Variants in TRAP1 observed in about 807,000 individuals in gnomAD.
TRAP1 encodes heat shock protein 75 kDa, mitochondrial.
Under a neutral mutation model 89.1 loss-of-function variants are expected in TRAP1, and 102 were observed. The observed-to-expected ratio is 1.15, with a 90% confidence interval of 0.98 to 1.35. The LOEUF (loss-of-function observed/expected upper bound fraction) is 1.35. Among genes scored for constraint, TRAP1 ranks in the 40% most tolerant of loss-of-function variants. The pLI, the probability that TRAP1 is intolerant of heterozygous loss-of-function variation, is 0.00. For missense variants in TRAP1, 1,256 were observed against 945.3 expected, an observed-to-expected ratio of 1.33 and a Z score of -4.31; for synonymous variants, 508 against 388.0, an observed-to-expected ratio of 1.31 and a Z score of -3.64.
rs1435691561 is a variant in TRAP1 at position 3,671,758 on chromosome 16, A to G, written c.1199T>C (p.Leu400Pro). 6.2e-6 allele frequency: 10 copies of G among 1,613,228 alleles called. No homozygotes were observed. The highest frequency in any genetic ancestry group is 8.5e-6 in the Non-Finnish European group (10 of 1,180,014). Reference sequence around the variant, plus strand: ...GCTCTCCTGCAGCAGCTCCCGGCTGAGGTTCAGGGGAATGTCCTCACTGTC... The same window carrying G: ...GCTCTCCTGCAGCAGCTCCCGGCTGGGGTTCAGGGGAATGTCCTCACTGTC... The part of the protein sequence containing the change: ...VVDSEDIPLN[L>P]SRELLQESAL... Residue 400 changes from leucine (L) to proline (P), a missense_variant, in exon 11 of 18, where the codon CTC becomes CCC. Coordinates refer to ENST00000246957, the MANE Select transcript of TRAP1 (RefSeq NM_016292.3).
intron 1 of TRAP1, among the ~76,000 whole-genome samples, chr16:3,694,148 G>C (rs572806248): frequency 1.3e-5 from 2 of 152,052 alleles, no homozygotes; most frequent in Non-Finnish European, 2.9e-5. Flanking sequence ...TCCAGGCTCT[G>C]TCTCTTGTCA....
chr16:3,660,964 G>A (rs1434005284), intron 16 of TRAP1: 1 of 151,270 alleles, frequency 6.6e-6, no homozygotes, highest in African/African-American at 2.4e-5. Context: ...TGGGGGGGGT[G>A]GTAAGTCTAT....
intron 1 of TRAP1, among the ~76,000 whole-genome samples, chr16:3,692,982 G>T (rs544837539): frequency 2.9e-4 from 43 of 148,264 alleles, no homozygotes; most frequent in African/African-American, 9.7e-4. Context: ...TTTTGAGATG[G>T]AGTCTCGCTC....
At chr16:3,697,059 G>GCCA (rs1448595200) in intron 1 of TRAP1, among the ~76,000 whole-genome samples, 1 of 152,096 alleles carries the variant, frequency 6.6e-6, no homozygotes, top group East Asian at 1.9e-4. Context: ...GGTAGATACT[G>GCCA]CCAAGTCACA....
chr16:3,689,161 C>T (rs2051178143), intron 2 of TRAP1, 24 bp from the exon 3 acceptor site: 4 of 1,597,720 alleles, frequency 2.5e-6, no homozygotes, highest in African/African-American at 1.3e-5. Flanking sequence ...ACAGACACAA[C>T]CAACAAAGTT....
intron 15 of TRAP1, 184 bp downstream of exon 15, chr16:3,662,698 C>G: frequency 1.4e-6 from 1 of 702,550 alleles, no homozygotes; most frequent in Non-Finnish European, 2.6e-6. Flanking sequence ...CACGGCCTTC[C>G]TGCCTCAGCG....
At chr16:3,704,068 G>A (rs1223162796) in intron 1 of TRAP1, among the ~76,000 whole-genome samples, 1 of 152,002 alleles carries the variant, frequency 6.6e-6, no homozygotes, top group Non-Finnish European at 1.5e-5. Flanking sequence ...TTACAGGCCA[G>A]GTGAGGTGCC....
intron 5 of TRAP1, among the ~76,000 whole-genome samples, chr16:3,679,232 G>A (rs972988210): frequency 6.6e-6 from 1 of 152,092 alleles, no homozygotes; most frequent in African/African-American, 2.4e-5. Flanking sequence ...AGAGGTTGCA[G>A]TGAGCCAATA....
rs748335480 is a variant in TRAP1, at chr16:3,692,122, C to T, written c.89-1137G>A. On this transcript the variant is annotated intron_variant, in intron 1 of 17. Transcript: ENST00000246957. ...AGGATATGTGGCCAGCCAGCCACGC[C>T]GTGTCAAAGTCTAAGCCTAAATGAA... 7.9e-5 allele frequency among the ~76,000 whole-genome samples: 12 copies of T among 152,166 alleles called. No homozygotes were observed. The South Asian group carries it at 1.2e-3, about 16-fold the overall frequency.
At chr16:3,701,307 C>T (rs916676606) in intron 1 of TRAP1, among the ~76,000 whole-genome samples, 2 of 152,002 alleles carry the variant, frequency 1.3e-5, no homozygotes, top group East Asian at 1.9e-4. Flanking sequence ...GAAGTTAAAA[C>T]GGAAAGAATT....
At chr16:3,714,814 G>A (rs1567250164) in intron 1 of TRAP1, among the ~76,000 whole-genome samples, 1 of 152,196 alleles carries the variant, frequency 6.6e-6, no homozygotes, top group Non-Finnish European at 1.5e-5. Flanking sequence ...ACGCACACCT[G>A]AAGCCAGGCA....
At chr16:3,694,336 G>A (rs1206877032) in intron 1 of TRAP1, among the ~76,000 whole-genome samples, 9 of 148,822 alleles carry the variant, frequency 6.0e-5, no homozygotes, top group Non-Finnish European at 1.2e-4. Flanking sequence ...ATGAGGACGC[G>A]AACGTATCTT....
At chr16:3,681,038 T>C (rs114265620) in intron 4 of TRAP1, among the ~76,000 whole-genome samples, 2 of 152,144 alleles carry the variant, frequency 1.3e-5, no homozygotes, top group Admixed American at 1.3e-4. Flanking sequence ...TTACTGACCA[T>C]GGGCTCCTCC....
intron 9 of TRAP1, among the ~76,000 whole-genome samples, chr16:3,674,094 CTTTT>C (rs1331024073): frequency 6.6e-6 from 1 of 151,942 alleles, no homozygotes; most frequent in Non-Finnish European, 1.5e-5. Flanking sequence ...TTCTTTTTTT[CTTTT>C]TTTTCAGAGA....
chr16:3,667,462 A>G (rs2050851820), intron 11 of TRAP1, among the ~76,000 whole-genome samples: 1 of 151,630 alleles, frequency 6.6e-6, no homozygotes, highest in African/African-American at 2.4e-5. Flanking sequence ...CGTCTCTACT[A>G]AAAATACAAA....
chr16:3,701,537 T>A (rs1596745874), intron 1 of TRAP1, among the ~76,000 whole-genome samples: 4 of 112,208 alleles, frequency 3.6e-5, no homozygotes, highest in African/African-American at 1.1e-4. Context: ...GGTGACAGAG[T>A]AAGACCCTGT....
chr16:3,710,672 A>T (rs2051516364), intron 1 of TRAP1, among the ~76,000 whole-genome samples: 1 of 152,124 alleles, frequency 6.6e-6, no homozygotes, highest in Non-Finnish European at 1.5e-5. Flanking sequence ...GTGTGAACTA[A>T]CATGGCAATG....
chr16:3,703,043 G>GAAAAAAAAAAAAAAAAAAAAAAA (rs36093237), intron 1 of TRAP1, among the ~76,000 whole-genome samples: 1 of 43,500 alleles, frequency 2.3e-5, no homozygotes, highest in African/African-American at 9.1e-5. Context: ...ACTCCGTCTT[G>GAAAAAAAAAAAAAAAAAAAAAAA]AAAAAAAAAA....
intron 4 of TRAP1, among the ~76,000 whole-genome samples, chr16:3,681,952 A>G (rs1331520819): frequency 6.6e-6 from 1 of 152,208 alleles, no homozygotes; most frequent in Non-Finnish European, 1.5e-5. Context: ...CCTAATTTTA[A>G]GACTTCCTAT....
Sources: allele counts gnomAD v4.1 joint callset (sites outside exome capture counted in the v4.1 genomes callset), GRCh38; gene constraint gnomAD v4.1.1; transcripts MANE v1.5; gene names NCBI Gene and HGNC (gene_info 2026-07-23, HGNC 2026-07-21).